The following WWOX variants were observed in gnomAD, a reference collection of about 807,000 sequenced individuals.
WWOX encodes the protein WW domain-containing oxidoreductase.
WWOX carries 69 observed loss-of-function variants against 46.2 expected under a neutral mutation model. The ratio of observed to expected loss-of-function variants is 1.49; its 90% confidence interval spans 1.23 to 1.82. The LOEUF (loss-of-function observed/expected upper bound fraction) is 1.82. WWOX is among the 40% of genes most tolerant of loss of function. The pLI is 0.00. For missense variants in WWOX, 919 were observed against 542.6 expected, an observed-to-expected ratio of 1.69 and a Z score of -6.89; for synonymous variants, 359 against 202.6, an observed-to-expected ratio of 1.77 and a Z score of -6.56.
At chr16:78,119,236 G>C (rs539396156) in intron 4 of WWOX, among the ~76,000 whole-genome samples, 20 of 152,296 alleles carry the variant, frequency 1.3e-4, no homozygotes, top group South Asian at 1.2e-3. Flanking sequence ...TAAAAGCAAC[G>C]GAAATGCCTT....
chr16:78,927,051 C>A (rs1400524610), intron 8 of WWOX, among the ~76,000 whole-genome samples: 1 of 152,194 alleles, frequency 6.6e-6, no homozygotes. Flanking sequence ...CCGCCTTGGC[C>A]TCCCAAATTG....
intron 5 of WWOX, among the ~76,000 whole-genome samples, chr16:78,194,184 A>C (rs901070599): frequency 4.6e-5 from 7 of 152,098 alleles, no homozygotes; most frequent in African/African-American, 1.4e-4. Flanking sequence ...AATTTTTTAA[A>C]ACAATATATG....
intron 8 of WWOX, among the ~76,000 whole-genome samples, chr16:78,523,803 G>A (rs763589805): frequency 6.6e-6 from 1 of 152,192 alleles, no homozygotes; most frequent in African/African-American, 2.4e-5. Context: ...TGGAACAGCT[G>A]CTCACACACT....
chr16:78,595,865 C>G (rs1263323884), intron 8 of WWOX, among the ~76,000 whole-genome samples: 3 of 152,208 alleles, frequency 2.0e-5, no homozygotes, highest in African/African-American at 7.2e-5. Flanking sequence ...ATTCACCTTT[C>G]TGTGCAACAG....
intron 8 of WWOX, among the ~76,000 whole-genome samples, chr16:78,937,913 C>T (rs903217488): frequency 6.6e-6 from 1 of 152,160 alleles, no homozygotes; most frequent in African/African-American, 2.4e-5. Flanking sequence ...CAGGTGTGTG[C>T]CACCATGTGT....
intron 8 of WWOX, among the ~76,000 whole-genome samples, chr16:78,482,273 T>C (rs1302570474): frequency 6.6e-6 from 1 of 152,296 alleles, no homozygotes; most frequent in African/African-American, 2.4e-5. Flanking sequence ...TCTTGCTCTT[T>C]TGGCCAGGCT....
intron 4 of WWOX, among the ~76,000 whole-genome samples, chr16:78,121,123 C>G (rs2033073412): frequency 6.6e-6 from 1 of 152,174 alleles, no homozygotes; most frequent in Non-Finnish European, 1.5e-5. Context: ...AGTTTCCTTT[C>G]TGATTGTTGA....
intron 8 of WWOX, among the ~76,000 whole-genome samples, chr16:79,175,739 C>G (rs953890163): frequency 6.6e-6 from 1 of 152,172 alleles, no homozygotes; most frequent in Non-Finnish European, 1.5e-5. Context: ...AAAAAAGATC[C>G]TTTCAGAGTT....
At chr16:78,436,500 G>C (rs1445001027) in intron 8 of WWOX, among the ~76,000 whole-genome samples, 1 of 152,170 alleles carries the variant, frequency 6.6e-6, no homozygotes, top group Non-Finnish European at 1.5e-5. Context: ...GTAGCTAAGA[G>C]TCTTACTAAA....
chr16:78,609,546 T>C (rs980115890), intron 8 of WWOX, among the ~76,000 whole-genome samples: 2 of 151,908 alleles, frequency 1.3e-5, no homozygotes, highest in Admixed American at 1.3e-4. Flanking sequence ...TTCTTTTCTT[T>C]TTTTTTCTTT....
chr16:78,676,241 C>G (rs191982427), intron 8 of WWOX, among the ~76,000 whole-genome samples: 1 of 151,716 alleles, frequency 6.6e-6, no homozygotes. Context: ...GGGATGCTCT[C>G]TACAGAGTCC....
intron 8 of WWOX, among the ~76,000 whole-genome samples, chr16:78,685,879 A>AAG (rs369097535): frequency 2.0e-5 from 3 of 147,924 alleles, no homozygotes; most frequent in African/African-American, 4.9e-5. Flanking sequence ...AAGAAAGGGA[A>AAG]AGAGAGAGAG....
At chr16:78,126,140 G>C (rs996244623) in intron 4 of WWOX, among the ~76,000 whole-genome samples, 4 of 152,132 alleles carry the variant, frequency 2.6e-5, no homozygotes, top group African/African-American at 4.8e-5. Flanking sequence ...TGTGGTTCCA[G>C]CTCTTCTCCC....
intron 8 of WWOX, among the ~76,000 whole-genome samples, chr16:78,677,626 TTA>T (rs2047633106): frequency 6.6e-6 from 1 of 152,206 alleles, no homozygotes; most frequent in Non-Finnish European, 1.5e-5. Flanking sequence ...CTTTCACCTT[TTA>T]TGATACCTGC....
intron 8 of WWOX, among the ~76,000 whole-genome samples, chr16:78,443,296 C>A (rs551257233): frequency 2.4e-4 from 36 of 151,762 alleles, no homozygotes; most frequent in African/African-American, 8.7e-4. Flanking sequence ...CAGAGTGAGA[C>A]TGAAAAACAA....
At chr16:78,320,454 C>A (rs527484798) in intron 5 of WWOX, among the ~76,000 whole-genome samples, 1 of 152,014 alleles carries the variant, frequency 6.6e-6, no homozygotes, top group East Asian at 1.9e-4. Context: ...TTTTTAAGTC[C>A]CTAGCTGTTT....
chr16:78,216,378 C>T (rs553490767), intron 5 of WWOX, among the ~76,000 whole-genome samples: 25 of 152,216 alleles, frequency 1.6e-4, no homozygotes, highest in East Asian at 3.9e-4. Flanking sequence ...TTCTGCTGGC[C>T]GCTGTAACAC....
chr16:78,121,702 C>A (rs1272930475), intron 4 of WWOX, among the ~76,000 whole-genome samples: 1 of 151,080 alleles, frequency 6.6e-6, no homozygotes, highest in Admixed American at 6.6e-5. Flanking sequence ...TACTCTGTTG[C>A]GCAGGCTGGA....
intron 5 of WWOX, among the ~76,000 whole-genome samples, chr16:78,318,433 C>T (rs1597476410): frequency 6.6e-6 from 1 of 151,930 alleles, no homozygotes; most frequent in African/African-American, 2.4e-5. Context: ...GAGCGCAATT[C>T]TGTCAAAAAT....
Sources: allele counts gnomAD v4.1 joint callset (sites outside exome capture counted in the v4.1 genomes callset), GRCh38; gene constraint gnomAD v4.1.1; transcripts MANE v1.5; gene names NCBI Gene and HGNC (gene_info 2026-07-23, HGNC 2026-07-21).